B4GALT6: variants seen among roughly 807,000 people sequenced by gnomAD.
B4GALT6 encodes the protein beta-1,4-galactosyltransferase 6.
Under a neutral mutation model 46.3 loss-of-function variants are expected in B4GALT6, and 14 were observed. That is an observed-to-expected ratio of 0.30 (90% CI 0.20 to 0.47). The LOEUF (loss-of-function observed/expected upper bound fraction) is 0.47, where lower values mean the gene tolerates loss of function less well. Ranked by LOEUF, B4GALT6 falls within the 20% of genes least tolerant of loss-of-function variation. B4GALT6 has a pLI of 0.99. For synonymous variants in B4GALT6, 168 were observed against 162.0 expected, an observed-to-expected ratio of 1.04 and a Z score of -0.28; for missense variants, 386 against 480.1, an observed-to-expected ratio of 0.80 and a Z score of 1.83.
Position 31,625,770 on chromosome 18 carries a change from T to C in B4GALT6, c.1002-9A>G. ...ACCTTAGTAATTTATACCTATAGTT[T>C]TAGAGGAAAAAACAAAAAAGCAACA... On this transcript the variant is annotated splice_polypyrimidine_tract_variant and intron_variant, in intron 8 of 8. Transcript: ENST00000306851. 6.4e-7 allele frequency: 1 copy of C among 1,566,104 alleles called. No homozygotes were observed. The highest frequency in any genetic ancestry group is 8.6e-7 in the Non-Finnish European group (1 of 1,163,636).
the B4GALT6 span, among the ~76,000 whole-genome samples, chr18:31,718,175 GT>G: frequency 6.6e-6 from 1 of 152,276 alleles, no homozygotes; most frequent in Non-Finnish European, 1.5e-5. Context: ...CTAAATTTGT[GT>G]TTCTCAACAG....
At chr18:31,668,077 AGG>A (rs2074303601) in intron 1 of B4GALT6, among the ~76,000 whole-genome samples, 1 of 150,506 alleles carries the variant, frequency 6.6e-6, no homozygotes, top group Non-Finnish European at 1.5e-5. Context: ...AGCCTGGGCG[AGG>A]GAGCAAGACT....
At chr18:31,629,106 T>C (rs2073741492) in intron 6 of B4GALT6, among the ~76,000 whole-genome samples, 1 of 152,200 alleles carries the variant, frequency 6.6e-6, no homozygotes, top group African/African-American at 2.4e-5. Context: ...CTTAATAACA[T>C]CTTTTCTCTA....
intron 4 of B4GALT6, among the ~76,000 whole-genome samples, chr18:31,641,246 T>A (rs753683347): frequency 7.2e-5 from 11 of 152,238 alleles, no homozygotes; most frequent in Non-Finnish European, 1.5e-4. Context: ...ATCTCTTCAA[T>A]GAAGTATTTA....
Position 31,638,726 on chromosome 18 carries a change from T to G in B4GALT6, c.506A>C (p.Glu169Ala). 6.2e-7 allele frequency: 1 copy of G among 1,614,076 alleles called. No homozygotes were observed. Among genetic ancestry groups the G allele is most frequent in the Middle Eastern group, 1.6e-4 (1 of 6,062 alleles). The change falls in exon 5 of 9, where the codon GAA becomes GCA. Residue 169 changes from glutamate to alanine, a missense_variant. Physicochemically the swap from Glu to Ala is moderately radical, Grantham distance 107 (BLOSUM62 -1). Transcript: ENST00000306851. ...ATGTAAGAAAAAAATTGGAAGATGT[T>G]CATGGCGATTACGGAAAGGAATGAG... is the stretch of plus-strand genomic sequence containing the variant. ...AVLIPFRNRH[E>A]HLPIFFLHLI...
chr18:31,633,503 G>C (rs1434540204), intron 5 of B4GALT6, among the ~76,000 whole-genome samples: 3 of 152,104 alleles, frequency 2.0e-5, no homozygotes, highest in Non-Finnish European at 4.4e-5. Context: ...ACCTTCTTTC[G>C]GTTTCTAAAA....
chr18:31,708,520 G>A, the B4GALT6 span, among the ~76,000 whole-genome samples: 9 of 152,056 alleles, frequency 5.9e-5, no homozygotes, highest in Admixed American at 2.6e-4. Flanking sequence ...AGCTGAGATC[G>A]TGCCATTTCA....
intron 5 of B4GALT6, among the ~76,000 whole-genome samples, chr18:31,636,096 G>A (rs1211494855): frequency 2.6e-5 from 4 of 152,174 alleles, no homozygotes; most frequent in Non-Finnish European, 4.4e-5. Flanking sequence ...TGCAACAAGT[G>A]GTGATGAAAC....
the B4GALT6 span, among the ~76,000 whole-genome samples, chr18:31,721,539 A>G: frequency 5.5e-3 from 837 of 152,394 alleles, 11 homozygotes; most frequent in African/African-American, 0.019. Flanking sequence ...AGGCATTGCC[A>G]TGAAGATATT....
At chr18:31,646,062 C>T (rs974425605) in intron 3 of B4GALT6, among the ~76,000 whole-genome samples, 6 of 152,336 alleles carry the variant, frequency 3.9e-5, no homozygotes, top group Admixed American at 1.3e-4. Flanking sequence ...TATGCCGTGT[C>T]AGGCATTAGG....
chr18:31,697,708 C>T, the B4GALT6 span, among the ~76,000 whole-genome samples: 1 of 152,140 alleles, frequency 6.6e-6, no homozygotes, highest in African/African-American at 2.4e-5. Flanking sequence ...GATGAGGGGG[C>T]TAGGAACAAA....
At chr18:31,686,996 T>G (rs1348372380), upstream of B4GALT6, among the ~76,000 whole-genome samples, 1 of 152,222 alleles carries the variant, frequency 6.6e-6, no homozygotes, top group African/African-American at 2.4e-5. Context: ...TAGAATTTGA[T>G]GATTCATCTA....
In B4GALT6 at chr18:31,627,184, G is replaced by T. The variant is rs184712194; in HGVS notation, c.777-63C>A. On this transcript the variant is annotated intron_variant, in intron 6 of 8. Coordinates refer to ENST00000306851, the MANE Select transcript of B4GALT6 (RefSeq NM_004775.5). ...ATAATAATTTCCCATGTGAAATGAA[G>T]GTTTCAGCCTTTTATGTGCTTTGCA... is the stretch of plus-strand genomic sequence containing the variant. The T allele has an allele frequency of 2.9e-3, 4,313 of 1,485,804 alleles. 6 individuals are homozygous for T. The highest frequency in any genetic ancestry group is 3.6e-3 in the Non-Finnish European group (3,962 of 1,098,976). The allele number at this position is 1,485,804 out of a possible 1,614,324, so 92.0% of individuals were successfully genotyped here.
chr18:31,684,960 C>G (rs1166642358), upstream of B4GALT6, among the ~76,000 whole-genome samples: 1 of 148,014 alleles, frequency 6.8e-6, no homozygotes, highest in Non-Finnish European at 1.5e-5. Context: ...CGGGCCGCGG[C>G]GTCTCCTGCC....
intron 1 of B4GALT6, among the ~76,000 whole-genome samples, chr18:31,676,642 A>G (rs2074418252): frequency 6.6e-6 from 1 of 152,196 alleles, no homozygotes; most frequent in South Asian, 2.1e-4. Context: ...ACATGATGTT[A>G]TAAACAAGTT....
intron 2 of B4GALT6, among the ~76,000 whole-genome samples, chr18:31,662,084 A>G (rs2074224148): frequency 6.6e-6 from 1 of 152,228 alleles, no homozygotes; most frequent in South Asian, 2.1e-4. Context: ...AGGGCCAGAG[A>G]GAATTGTTCT....
chr18:31,688,272 T>TATATACATATATATATAC (rs1555643360), upstream of B4GALT6, among the ~76,000 whole-genome samples: 10 of 149,690 alleles, frequency 6.7e-5, no homozygotes, highest in African/African-American at 2.5e-4. Context: ...TATATATATA[T>TATATACATATATATATAC]ACACACACAC....
upstream of B4GALT6, among the ~76,000 whole-genome samples, chr18:31,688,980 C>T (rs1567990016): frequency 1.3e-5 from 2 of 152,100 alleles, no homozygotes; most frequent in Admixed American, 6.5e-5. Flanking sequence ...ACTTTCTTTA[C>T]CAATTTTGCC....
At chr18:31,671,948 T>C (rs879665332) in intron 1 of B4GALT6, among the ~76,000 whole-genome samples, 3 of 152,230 alleles carry the variant, frequency 2.0e-5, no homozygotes, top group Non-Finnish European at 4.4e-5. Flanking sequence ...TTCAACAGTT[T>C]ATGAAAGCTT....
Sources: gnomAD v4.1 joint callset for allele counts (sites outside exome capture counted in the v4.1 genomes callset) on GRCh38, gnomAD v4.1.1 for gene constraint, MANE v1.5 for transcripts, NCBI Gene and HGNC (gene_info 2026-07-23, HGNC 2026-07-21) for gene names.